CHMP5: variants seen among roughly 807,000 people sequenced by gnomAD.
CHMP5 encodes charged multivesicular body protein 5.
A neutral mutation model predicts 33.0 loss-of-function variants in CHMP5; 17 were observed. The observed-to-expected ratio is 0.52, with a 90% CI of 0.35 to 0.77. The LOEUF is 0.77. Ranked by LOEUF, CHMP5 falls within the 30% of genes least tolerant of loss-of-function variation. CHMP5 has a pLI of 0.01. For missense variants in CHMP5, 216 were observed against 261.5 expected (o/e 0.83, Z 1.20); for synonymous variants, 76 against 90.2 (o/e 0.84, Z 0.89).
intron 3 of CHMP5, among the ~76,000 whole-genome samples, chr9:33,268,251 G>C (rs952468447): frequency 6.6e-6 from 1 of 152,202 alleles, no homozygotes; most frequent in Admixed American, 6.5e-5. Context: ...AGTGACTACT[G>C]TTTTGGACTG....
chr9:33,270,691 A>T lies in CHMP5; in HGVS notation c.290A>T (p.Gln97Leu), dbSNP rs774840255. Reference sequence around the variant, plus strand: ...ATGGAACAAGCCAATTATACCATCCAGTCTTTGAAGGACACCAAGACCACG... The same window carrying T: ...ATGGAACAAGCCAATTATACCATCCTGTCTTTGAAGGACACCAAGACCACG... Reference protein sequence around the residue: ...FNMEQANYTIQSLKDTKTTVD... With the variant: ...FNMEQANYTILSLKDTKTTVD... Residue 97 changes from glutamine to leucine, a missense_variant, in exon 4 of 8, where the codon CAG (glutamine) becomes CTG (leucine). Coordinates refer to ENST00000223500, the MANE Select transcript of CHMP5 (RefSeq NM_016410.6). 1.9e-6 allele frequency: 3 copies of T among 1,613,822 alleles called. No homozygotes were observed. The East Asian group carries it at 6.7e-5, about 36-fold the overall frequency.
chr9:33,272,393 CAAAAAAA>C (rs10710870), intron 5 of CHMP5, among the ~76,000 whole-genome samples: 1 of 125,092 alleles, frequency 8.0e-6, no homozygotes, highest in African/African-American at 3.0e-5. Flanking sequence ...GGAGATAAAG[CAAAAAAA>C]AAAAAAAAAA....
intron 5 of CHMP5, among the ~76,000 whole-genome samples, chr9:33,274,756 C>T (rs929557422): frequency 2.6e-5 from 4 of 152,152 alleles, no homozygotes; most frequent in Non-Finnish European, 5.9e-5. Context: ...GCTGGGATTA[C>T]AGGCGCATGC....
chr9:33,277,926 C>T, intron 6 of CHMP5, 187 bp from the exon 7 acceptor site: 1 of 486,154 alleles, frequency 2.1e-6, no homozygotes, highest in Non-Finnish European at 3.7e-6. Flanking sequence ...TTCCTCTTGG[C>T]CACTTCCAAC....
chr9:33,266,122 G>T lies in CHMP5; in HGVS notation c.174+8G>T, dbSNP rs374475946. On this transcript the variant is annotated splice_region_variant and intron_variant, in intron 2 of 7. Coordinates refer to ENST00000223500, the MANE Select transcript of CHMP5 (RefSeq NM_016410.6). ...AGAGAGGGTCCTGCAAAGGTAAGGTGGGCAGCAACTGCTGCACAAGGTGCT... is the reference window on the plus strand; with the variant it reads ...AGAGAGGGTCCTGCAAAGGTAAGGTTGGCAGCAACTGCTGCACAAGGTGCT... 313 of 1,583,392 alleles carry T rather than the reference G, an allele frequency of 2.0e-4. No individual in the cohort carries two copies. The highest frequency in any genetic ancestry group is 2.6e-4 in the Non-Finnish European group (305 of 1,152,940).
chr9:33,269,078 A>G (rs1057214101), intron 3 of CHMP5, among the ~76,000 whole-genome samples: 20 of 152,252 alleles, frequency 1.3e-4, no homozygotes, highest in African/African-American at 4.6e-4. Context: ...ATTGTTTCCA[A>G]TATTGTATAA....
chr9:33,279,456 C>T (rs1323777594), intron 7 of CHMP5, among the ~76,000 whole-genome samples: 1 of 152,090 alleles, frequency 6.6e-6, no homozygotes, highest in Non-Finnish European at 1.5e-5. Context: ...CACTCCTCCC[C>T]GACCTCTCTG....
intron 6 of CHMP5, among the ~76,000 whole-genome samples, chr9:33,276,858 TCTCA>T (rs1214916484): frequency 3.9e-5 from 6 of 152,152 alleles, no homozygotes; most frequent in Admixed American, 3.9e-4. Flanking sequence ...TTGATTTTGT[TCTCA>T]CTATTTTCCT....
In CHMP5 at chr9:33,279,788, G is replaced by A. The variant is rs565208393; in HGVS notation, c.610-1021G>A. Among the ~76,000 whole-genome samples the A allele has an allele frequency of 1.5e-4, 22 of 151,232 alleles. No individual in the cohort carries two copies. In the East Asian group the frequency reaches 2.6e-3, roughly 18 times the overall value. On this transcript the variant is annotated intron_variant, in intron 7 of 7. Transcript: ENST00000223500. ...TGAGGCAGGAGAATCACTTGAAGCC[G>A]GGAGGCGGAGCTTGCAGTGAGCCGA...
chr9:33,265,273 C>T (rs890186317), intron 1 of CHMP5, 126 bp downstream of exon 1: 7 of 849,348 alleles, frequency 8.2e-6, no homozygotes, highest in Non-Finnish European at 1.4e-5. Flanking sequence ...CGTCGTCCCT[C>T]TCTATCTCAC....
chr9:33,277,212 AAAG>A (rs1820866588), intron 6 of CHMP5, among the ~76,000 whole-genome samples: 1 of 151,640 alleles, frequency 6.6e-6, no homozygotes, highest in Admixed American at 6.6e-5. Context: ...AAAAAAAAAA[AAAG>A]AATAGTTGGC....
intron 7 of CHMP5, among the ~76,000 whole-genome samples, chr9:33,279,807 G>A (rs763003326): frequency 2.7e-5 from 4 of 146,992 alleles, no homozygotes; most frequent in Non-Finnish European, 4.5e-5. Flanking sequence ...AGCTTGCAGT[G>A]AGCCGAGGTC....
At chr9:33,266,837 C>T (rs761035016) in intron 2 of CHMP5, among the ~76,000 whole-genome samples, 11 of 152,226 alleles carry the variant, frequency 7.2e-5, no homozygotes, top group Non-Finnish European at 1.2e-4. Context: ...TTCTAATACA[C>T]TGTCACTGCC....
At chr9:33,271,365 T>C (rs1046080512) in intron 5 of CHMP5, 142 bp downstream of exon 5, 1 of 670,644 alleles carries the variant, frequency 1.5e-6, no homozygotes, top group Non-Finnish European at 2.6e-6. Context: ...CGAGAAAGGG[T>C]ACCAAATGTC....
At chr9:33,272,230 T>G (rs1820802276) in intron 5 of CHMP5, among the ~76,000 whole-genome samples, 1 of 151,924 alleles carries the variant, frequency 6.6e-6, no homozygotes, top group Admixed American at 6.6e-5. Context: ...AAAATGGCGC[T>G]CTTGACCTTT....
chr9:33,274,414 G>A (rs896688051), intron 5 of CHMP5, among the ~76,000 whole-genome samples: 1 of 152,252 alleles, frequency 6.6e-6, no homozygotes, highest in African/African-American at 2.4e-5. Context: ...AATTCTGAAG[G>A]ATAAATGGTG....
intron 3 of CHMP5, among the ~76,000 whole-genome samples, chr9:33,269,445 A>G (rs1820767440): frequency 6.6e-6 from 1 of 151,936 alleles, no homozygotes; most frequent in South Asian, 2.1e-4. Context: ...CAGAGGTTAC[A>G]GTGAGCTGAG....
intron 6 of CHMP5, chr9:33,277,662 T>G (rs1001828225): frequency 6.3e-6 from 1 of 158,698 alleles, no homozygotes; most frequent in African/African-American, 2.4e-5. Context: ...ACTTAATGAT[T>G]GACAGGATGT....
chr9:33,266,733 A>G (rs906899230), intron 2 of CHMP5, among the ~76,000 whole-genome samples: 6 of 152,188 alleles, frequency 3.9e-5, no homozygotes, highest in Admixed American at 3.3e-4. Context: ...CTCAAGATCA[A>G]TGACTTGCTA....
Sources: allele counts gnomAD v4.1 joint callset (sites outside exome capture counted in the v4.1 genomes callset), GRCh38; gene constraint gnomAD v4.1.1; transcripts MANE v1.5; gene names NCBI Gene and HGNC (gene_info 2026-07-23, HGNC 2026-07-21).